Variants in VEGFC observed in about 807,000 individuals in gnomAD.
VEGFC encodes FLT4 ligand DHM.
Under a neutral mutation model 46.1 loss-of-function variants are expected in VEGFC, and 12 were observed. The ratio of observed to expected loss-of-function variants is 0.26; its 90% confidence interval spans 0.17 to 0.42. The LOEUF is 0.42. Among genes scored for constraint, VEGFC ranks in the 10% least tolerant of loss-of-function variants. The pLI is 1.00. For synonymous variants in VEGFC, 232 were observed against 195.5 expected (o/e 1.19, Z -1.56); for missense variants, 488 against 529.4 (o/e 0.92, Z 0.77).
chr4:176,729,776 T>A, intron 1 of VEGFC, 30 bp from the exon 2 acceptor site: 2 of 1,522,918 alleles, frequency 1.3e-6, no homozygotes, highest in South Asian at 2.6e-5. Context: ...GATCAATGAC[T>A]TACCAGCTTA....
chr4:176,690,391 A>G (rs908145969), intron 4 of VEGFC, among the ~76,000 whole-genome samples: 2 of 150,850 alleles, frequency 1.3e-5, no homozygotes, highest in East Asian at 3.9e-4. Context: ...AAAATTGCAT[A>G]TATGTTTTTT....
intron 1 of VEGFC, among the ~76,000 whole-genome samples, chr4:176,757,744 C>T (rs1485217857): frequency 1.3e-5 from 2 of 151,968 alleles, no homozygotes; most frequent in East Asian, 1.9e-4. Flanking sequence ...AATTCTTTCT[C>T]ACAGATTTAA....
intron 1 of VEGFC, among the ~76,000 whole-genome samples, chr4:176,759,534 T>G (rs1053834189): frequency 1.3e-5 from 2 of 152,034 alleles, no homozygotes; most frequent in Non-Finnish European, 2.9e-5. Flanking sequence ...AAGGGATAAT[T>G]TCTGAAGATG....
intron 4 of VEGFC, among the ~76,000 whole-genome samples, chr4:176,697,333 C>T (rs913190011): frequency 1.3e-5 from 2 of 151,276 alleles, no homozygotes; most frequent in East Asian, 1.9e-4. Flanking sequence ...AGGACATGAA[C>T]AGACACTTCT....
At chr4:176,775,059 A>C (rs980157892) in intron 1 of VEGFC, among the ~76,000 whole-genome samples, 6 of 152,298 alleles carry the variant, frequency 3.9e-5, no homozygotes, top group East Asian at 1.9e-4. Flanking sequence ...GTATTATAAC[A>C]ATCTACCAGA....
At chr4:176,697,548 T>C (rs1734342276) in intron 4 of VEGFC, among the ~76,000 whole-genome samples, 1 of 149,818 alleles carries the variant, frequency 6.7e-6, no homozygotes, top group Admixed American at 6.6e-5. Flanking sequence ...GACTGTAAAC[T>C]AGTTCAACCA....
chr4:176,757,664 CTT>C (rs1380020986), intron 1 of VEGFC, among the ~76,000 whole-genome samples: 11 of 151,528 alleles, frequency 7.3e-5, no homozygotes, highest in African/African-American at 2.7e-4. Context: ...TTGGGTTTAA[CTT>C]TTAAATTCTC....
chr4:176,776,608 G>T (rs4574347), intron 1 of VEGFC, among the ~76,000 whole-genome samples: 16,619 of 152,180 alleles, frequency 0.11, 2,257 homozygotes, highest in African/African-American at 0.32. Flanking sequence ...CAGAAGAGTC[G>T]TACAAGAGAA....
At chr4:176,750,686 A>C (rs1368622577) in intron 1 of VEGFC, among the ~76,000 whole-genome samples, 1 of 151,850 alleles carries the variant, frequency 6.6e-6, no homozygotes, top group African/African-American at 2.4e-5. Flanking sequence ...TACATATAAA[A>C]TCCTGTCTGG....
At chr4:176,759,303 C>A (rs538282941) in intron 1 of VEGFC, among the ~76,000 whole-genome samples, 1 of 151,758 alleles carries the variant, frequency 6.6e-6, no homozygotes, top group South Asian at 2.1e-4. Flanking sequence ...AGAAGGAAAT[C>A]CGGCCATTTG....
At chr4:176,685,804 A>C (rs1734032322) in intron 6 of VEGFC, among the ~76,000 whole-genome samples, 3 of 152,146 alleles carry the variant, frequency 2.0e-5, no homozygotes, top group Admixed American at 2.0e-4. Context: ...CCTATGATGT[A>C]CTTTGCAGTA....
At chr4:176,791,945 G>C (rs575438290) in intron 1 of VEGFC, among the ~76,000 whole-genome samples, 1 of 152,098 alleles carries the variant, frequency 6.6e-6, no homozygotes, top group Non-Finnish European at 1.5e-5. Context: ...GCACCTCTCC[G>C]GGCCCTTCAC....
intron 1 of VEGFC, among the ~76,000 whole-genome samples, chr4:176,766,767 C>A (rs768239316): frequency 6.6e-6 from 1 of 151,956 alleles, no homozygotes; most frequent in African/African-American, 2.4e-5. Flanking sequence ...TGCTAGGTTA[C>A]CTAGTTATCC....
chr4:176,692,069 C>G (rs531057116), intron 4 of VEGFC, among the ~76,000 whole-genome samples: 4 of 152,224 alleles, frequency 2.6e-5, no homozygotes, highest in East Asian at 1.9e-4. Flanking sequence ...GTCACTCCCA[C>G]CCGAATACTG....
chr4:176,686,222 T>C (rs1240490920), intron 6 of VEGFC, among the ~76,000 whole-genome samples: 1 of 152,148 alleles, frequency 6.6e-6, no homozygotes, highest in East Asian at 1.9e-4. Context: ...AATTCTCTGT[T>C]GGATTTGGCA....
chr4:176,725,798 T>C (rs1038310266), intron 3 of VEGFC, among the ~76,000 whole-genome samples: 2 of 152,126 alleles, frequency 1.3e-5, no homozygotes, highest in African/African-American at 2.4e-5. Context: ...AGACTCAGTA[T>C]ACCAAAATTC....
intron 1 of VEGFC, among the ~76,000 whole-genome samples, chr4:176,730,005 G>C (rs1250495364): frequency 1.3e-5 from 2 of 152,044 alleles, no homozygotes; most frequent in Non-Finnish European, 2.9e-5. Flanking sequence ...TTTTAAGGTA[G>C]CTTATTTATT....
At chr4:176,783,250 C>T (rs1313776481) in intron 1 of VEGFC, among the ~76,000 whole-genome samples, 1 of 152,184 alleles carries the variant, frequency 6.6e-6, no homozygotes, top group Non-Finnish European at 1.5e-5. Flanking sequence ...GAAGAGGGTC[C>T]CTTAGGAACA....
intron 1 of VEGFC, among the ~76,000 whole-genome samples, chr4:176,787,724 G>A (rs959965008): frequency 2.6e-5 from 4 of 151,552 alleles, no homozygotes; most frequent in Admixed American, 6.6e-5. Flanking sequence ...TTAATCAACC[G>A]AGGAAAGAAG....
Sources: allele counts gnomAD v4.1 joint callset (sites outside exome capture counted in the v4.1 genomes callset), GRCh38; gene constraint gnomAD v4.1.1; transcripts MANE v1.5; gene names NCBI Gene and HGNC (gene_info 2026-07-23, HGNC 2026-07-21).